GLCCI1: variants seen among roughly 807,000 people sequenced by gnomAD.
The protein encoded by GLCCI1 is glucocorticoid-induced transcript 1 protein.
GLCCI1 carries 24 observed loss-of-function variants against 52.2 expected under a neutral mutation model. The ratio of observed to expected loss-of-function variants is 0.46; its 90% confidence interval spans 0.33 to 0.65. The LOEUF is 0.65. GLCCI1 is among the 30% of genes least tolerant of loss of function. The pLI is 0.02. For synonymous variants in GLCCI1, 310 were observed against 276.5 expected (o/e 1.12, Z -1.20); for missense variants, 704 against 701.5 (o/e 1.00, Z -0.04).
chr7:8,003,629 T>A (rs575589204), intron 1 of GLCCI1, among the ~76,000 whole-genome samples: 50 of 152,230 alleles, frequency 3.3e-4, no homozygotes, highest in African/African-American at 1.2e-3. Flanking sequence ...GGAGTCTTAA[T>A]TAAAATAATG....
At chr7:8,070,844 A>T in intron 5 of GLCCI1, 77 bp from the exon 6 acceptor site, 1 of 1,298,738 alleles carries the variant, frequency 7.7e-7, no homozygotes, top group East Asian at 2.3e-5. Flanking sequence ...TATGAAATCA[A>T]GGGAAATACT....
At chr7:8,018,858 C>A (rs541745500) in intron 2 of GLCCI1, among the ~76,000 whole-genome samples, 84 of 152,196 alleles carry the variant, frequency 5.5e-4, no homozygotes, top group African/African-American at 1.9e-3. Flanking sequence ...CCTTTTAACA[C>A]CAAAGGCATG....
chr7:8,015,088 G>A (rs1676459677), intron 2 of GLCCI1, among the ~76,000 whole-genome samples: 1 of 152,120 alleles, frequency 6.6e-6, no homozygotes, highest in Admixed American at 6.5e-5. Flanking sequence ...TAAGTAGTTA[G>A]CATTTGGCTT....
intron 2 of GLCCI1, among the ~76,000 whole-genome samples, chr7:8,011,129 A>C (rs868045020): frequency 4.6e-5 from 7 of 151,622 alleles, no homozygotes; most frequent in East Asian, 1.9e-4. Context: ...CTCCCACACA[A>C]AAAAAAATAA....
intron 4 of GLCCI1, among the ~76,000 whole-genome samples, chr7:8,056,631 G>A: frequency 6.6e-6 from 1 of 152,058 alleles, no homozygotes; most frequent in East Asian, 1.9e-4. Flanking sequence ...ACAAAGATAA[G>A]GATGATTCAA....
rs1554257488 is a variant in GLCCI1 at position 7,976,485 on chromosome 7, A to AAAAAAAAAAC, written c.457+6687_457+6688insCAAAAAAAAA. 4.0e-4 allele frequency among the ~76,000 whole-genome samples: 58 copies of AAAAAAAAAAC among 144,526 alleles called. 1 individual carries two copies. In the East Asian group the frequency reaches 0.01, roughly 25 times the overall value. The allele number at this position is 144,526 out of a possible 152,430, so 94.8% of individuals were successfully genotyped here. ...CAAGAGTGAAACTCCATCTCAAAAA[A>AAAAAAAAAAC]AAAAAAAAAAAAAGGAAAGGAAAAA... On this transcript the variant is annotated intron_variant, in intron 1 of 7. Transcript: ENST00000223145.
intron 3 of GLCCI1, among the ~76,000 whole-genome samples, chr7:8,030,267 C>T (rs1781716758): frequency 6.6e-6 from 1 of 152,104 alleles, no homozygotes; most frequent in Admixed American, 6.5e-5. Context: ...TCATTTTTGA[C>T]AAAGGTGCTA....
chr7:7,994,962 G>A (rs141777396), intron 1 of GLCCI1, among the ~76,000 whole-genome samples: 2,332 of 152,276 alleles, frequency 0.015, 40 homozygotes, highest in Middle Eastern at 0.024. Flanking sequence ...TTGTGTATCA[G>A]TGTTTGAAGT....
intron 1 of GLCCI1, among the ~76,000 whole-genome samples, chr7:7,970,874 ATC>A (rs1272001392): frequency 6.6e-6 from 1 of 151,712 alleles, no homozygotes; most frequent in African/African-American, 2.4e-5. Flanking sequence ...GGGTGGAAAA[ATC>A]TCTGCTTGGA....
At chr7:8,075,126 A>C (rs1322053097) in intron 6 of GLCCI1, among the ~76,000 whole-genome samples, 1 of 152,164 alleles carries the variant, frequency 6.6e-6, no homozygotes, top group African/African-American at 2.4e-5. Flanking sequence ...GAGACCTATA[A>C]AATAATTTTG....
intron 3 of GLCCI1, among the ~76,000 whole-genome samples, chr7:8,034,082 G>C (rs1441768312): frequency 6.6e-6 from 1 of 152,034 alleles, no homozygotes; most frequent in East Asian, 1.9e-4. Flanking sequence ...CAAAATTTGT[G>C]AATCTAGAAA....
At chr7:7,970,418 C>G (rs1780323617) in intron 1 of GLCCI1, 1 of 150,268 alleles carries the variant, frequency 6.7e-6, no homozygotes, top group African/African-American at 2.5e-5. Flanking sequence ...CTCTCTCTCC[C>G]TCTCTTTCTC....
intron 1 of GLCCI1, among the ~76,000 whole-genome samples, chr7:7,983,730 T>C (rs889545151): frequency 6.6e-5 from 10 of 152,230 alleles, no homozygotes; most frequent in African/African-American, 2.4e-4. Flanking sequence ...CCTGTGAATA[T>C]CTGACAAAGG....
intron 1 of GLCCI1, among the ~76,000 whole-genome samples, chr7:8,003,401 A>G (rs1562423659): frequency 6.6e-6 from 1 of 152,246 alleles, no homozygotes; most frequent in African/African-American, 2.4e-5. Flanking sequence ...TGTGACGCTT[A>G]GCATGGGATT....
In GLCCI1 at chr7:8,063,600, C is replaced by G. The variant is rs143400515; in HGVS notation, c.966+3352C>G. ...AAAAGTGTCTGTGCGTGTGATTTGC[C>G]TACCACTTTTCTTCCTTTTTTTTTT... On this transcript the variant is annotated intron_variant, in intron 5 of 7. Coordinates refer to ENST00000223145, the MANE Select transcript of GLCCI1 (RefSeq NM_138426.4). Among the ~76,000 whole-genome samples the G allele has an allele frequency of 5.3e-3, 793 of 149,310 alleles. 4 individuals are homozygous for G. The highest frequency in any genetic ancestry group is 0.018 in the African/African-American group (737 of 40,714).
At chr7:8,007,850 G>A (rs1412737053) in intron 2 of GLCCI1, among the ~76,000 whole-genome samples, 2 of 152,132 alleles carry the variant, frequency 1.3e-5, no homozygotes, top group Non-Finnish European at 2.9e-5. Context: ...TTAAAAAGAA[G>A]TAGCATAATG....
In GLCCI1 at chr7:8,086,468, A is replaced by T. The variant is rs1783108915; in HGVS notation, c.1574A>T (p.Gln525Leu). 1 of 1,613,692 alleles carries T rather than the reference A, an allele frequency of 6.2e-7. No homozygotes were observed. Among genetic ancestry groups the T allele is most frequent in the Non-Finnish European group, 8.5e-7 (1 of 1,179,768 alleles). The change falls in exon 8 of 8, where the codon CAG becomes CTG. Residue 525 changes from glutamine to leucine, a missense_variant. Coordinates refer to ENST00000223145, the MANE Select transcript of GLCCI1 (RefSeq NM_138426.4). This position sits in a 1 kb window ranked among gnomAD's most constrained non-coding sequence, Gnocchi z 4.4. ...SMEASVQQPS[Q>L]QQQLLQELQG... ...GAGGCCTCTGTCCAGCAGCCATCCC[A>T]GCAGCAGCAGCTCCTGCAGGAACTG...
intron 1 of GLCCI1, among the ~76,000 whole-genome samples, chr7:7,994,143 A>G (rs1329542330): frequency 6.6e-6 from 1 of 152,166 alleles, no homozygotes; most frequent in Non-Finnish European, 1.5e-5. Context: ...AATCCCAGCT[A>G]CTTGGGAGGC....
intron 2 of GLCCI1, among the ~76,000 whole-genome samples, chr7:8,015,861 C>T (rs1562428854): frequency 6.6e-6 from 1 of 152,196 alleles, no homozygotes. Context: ...CCCATACCCC[C>T]GTTACCCTGA....
Sources: gnomAD v4.1 joint callset for allele counts (sites outside exome capture counted in the v4.1 genomes callset) on GRCh38, gnomAD v4.1.1 for gene constraint, Gnocchi (gnomAD v3.1) non-coding constraint, MANE v1.5 for transcripts, NCBI Gene and HGNC (gene_info 2026-07-23, HGNC 2026-07-21) for gene names.